Variants in SGCZ observed in about 807,000 individuals in gnomAD.
The protein encoded by SGCZ is zeta-sarcoglycan.
In SGCZ, 40 loss-of-function variants were observed where a neutral mutation model predicts 41.3. That is an observed-to-expected ratio of 0.97 (90% CI 0.75 to 1.26). The LOEUF (loss-of-function observed/expected upper bound fraction) is 1.26. Among genes scored for constraint, SGCZ ranks in the 50% most tolerant of loss-of-function variants. The probability of loss-of-function intolerance (pLI) is 0.00; values close to 1 mark genes in which losing one functional copy is unlikely to be tolerated. For synonymous variants in SGCZ, 206 were observed against 137.5 expected, an observed-to-expected ratio of 1.50 and a Z score of -3.49; for missense variants, 552 against 369.8, an observed-to-expected ratio of 1.49 and a Z score of -4.04.
intron 1 of SGCZ, among the ~76,000 whole-genome samples, chr8:15,138,052 T>C (rs567259628): frequency 6.6e-6 from 1 of 152,272 alleles, no homozygotes; most frequent in East Asian, 1.9e-4. Context: ...CCCAAGGCCA[T>C]GGGAGTTCAC....
Position 14,190,940 on chromosome 8 carries a change from T to C in SGCZ, c.425-26238A>G, listed in dbSNP as rs1805082695. Among the ~76,000 whole-genome samples, 3 of 152,170 alleles carry C rather than the reference T, an allele frequency of 2.0e-5. No individual in the cohort carries two copies. In the South Asian group the frequency reaches 6.2e-4, roughly 31 times the overall value. On this transcript the variant is annotated intron_variant, in intron 4 of 7. Transcript: ENST00000382080. ...ATATCCTTACTTGTTCCACACTGGT[T>C]ACATCAATCTACATTCCCACCAAAA...
At chr8:14,299,219 T>C (rs1801111317) in intron 3 of SGCZ, among the ~76,000 whole-genome samples, 1 of 151,942 alleles carries the variant, frequency 6.6e-6, no homozygotes, top group South Asian at 2.1e-4. Flanking sequence ...CTATAAAGCT[T>C]CTAGGAGAGA....
At chr8:14,520,795 T>C (rs966111982) in intron 2 of SGCZ, among the ~76,000 whole-genome samples, 1 of 152,134 alleles carries the variant, frequency 6.6e-6, no homozygotes, top group Non-Finnish European at 1.5e-5. Flanking sequence ...CTTTGAACAT[T>C]ATCATTTATT....
At chr8:14,250,264 C>CA (rs1205698727) in intron 3 of SGCZ, among the ~76,000 whole-genome samples, 2 of 151,918 alleles carry the variant, frequency 1.3e-5, no homozygotes, top group Non-Finnish European at 2.9e-5. Context: ...GCAATTGTTG[C>CA]AAAAAAATTT....
intron 2 of SGCZ, among the ~76,000 whole-genome samples, chr8:14,449,420 A>G (rs1800527193): frequency 6.6e-6 from 1 of 152,120 alleles, no homozygotes; most frequent in Non-Finnish European, 1.5e-5. Flanking sequence ...TATTTGACTG[A>G]TTTTGGGGTG....
chr8:14,977,589 A>T (rs1445384833), intron 1 of SGCZ, among the ~76,000 whole-genome samples: 1 of 152,132 alleles, frequency 6.6e-6, no homozygotes, highest in Non-Finnish European at 1.5e-5. Context: ...TCCTAGTAAC[A>T]TCATCATTTA....
intron 1 of SGCZ, among the ~76,000 whole-genome samples, chr8:14,597,804 C>A (rs1366477209): frequency 6.6e-6 from 1 of 152,018 alleles, no homozygotes; most frequent in African/African-American, 2.4e-5. Flanking sequence ...TCTTTCTCTC[C>A]CACAAGTTGA....
At chr8:15,193,506 G>T (rs542423136) in intron 1 of SGCZ, among the ~76,000 whole-genome samples, 11 of 152,104 alleles carry the variant, frequency 7.2e-5, no homozygotes, top group African/African-American at 2.7e-4. Context: ...CTTTGGAGAT[G>T]AAAAATATTG....
At chr8:14,489,330 A>C (rs553595822) in intron 2 of SGCZ, among the ~76,000 whole-genome samples, 1 of 152,298 alleles carries the variant, frequency 6.6e-6, no homozygotes, top group Admixed American at 6.5e-5. Context: ...CAAAATTATA[A>C]AATGGACACA....
intron 1 of SGCZ, among the ~76,000 whole-genome samples, chr8:14,701,303 A>T (rs1018451230): frequency 6.6e-6 from 1 of 151,996 alleles, no homozygotes; most frequent in Non-Finnish European, 1.5e-5. Flanking sequence ...AAAAATTTAT[A>T]AAACTTATAA....
chr8:14,176,817 G>C (rs1394105771), intron 4 of SGCZ, among the ~76,000 whole-genome samples: 1 of 152,150 alleles, frequency 6.6e-6, no homozygotes, highest in Non-Finnish European at 1.5e-5. Context: ...AACCATAGTA[G>C]ACAAAGAGCC....
intron 1 of SGCZ, among the ~76,000 whole-genome samples, chr8:14,788,916 G>C (rs140383522): frequency 1.3e-5 from 2 of 152,024 alleles, no homozygotes; most frequent in Non-Finnish European, 2.9e-5. Context: ...TTTGACACCA[G>C]CCTGGGCAAT....
intron 3 of SGCZ, among the ~76,000 whole-genome samples, chr8:14,258,138 G>T (rs1799530052): frequency 6.6e-6 from 1 of 152,048 alleles, no homozygotes; most frequent in South Asian, 2.1e-4. Flanking sequence ...TTATGTTTTG[G>T]AAGTATTATA....
intron 1 of SGCZ, among the ~76,000 whole-genome samples, chr8:14,576,855 T>G (rs755353687): frequency 6.6e-6 from 1 of 152,156 alleles, no homozygotes; most frequent in Non-Finnish European, 1.5e-5. Context: ...TAAGAGAGAA[T>G]TGCAGTCCTC....
chr8:14,248,000 G>C (rs922453765), intron 3 of SGCZ, among the ~76,000 whole-genome samples: 1 of 152,202 alleles, frequency 6.6e-6, no homozygotes, highest in Admixed American at 6.5e-5. Flanking sequence ...AGGTAAAGCA[G>C]TAATTTTCCA....
Position 14,420,296 on chromosome 8 carries a change from T to C in SGCZ, c.235-96092A>G, listed in dbSNP as rs569201776. 1.5e-3 allele frequency among the ~76,000 whole-genome samples: 230 copies of C among 152,154 alleles called. 4 individuals carry two copies. The highest frequency in any genetic ancestry group is 1.8e-3 in the Non-Finnish European group (121 of 67,978). On this transcript the variant is annotated intron_variant, in intron 2 of 7. Transcript: ENST00000382080. ...AAAAATAAATCTTTGCAGCCACATT[T>C]TATATTATAACTTACTCAAAAAAGG...
chr8:14,569,806 G>GT (rs1287196634), intron 1 of SGCZ, among the ~76,000 whole-genome samples: 1 of 152,150 alleles, frequency 6.6e-6, no homozygotes, highest in Non-Finnish European at 1.5e-5. Flanking sequence ...AGCCATTGAG[G>GT]TAAGAACATT....
chr8:14,660,141 G>A (rs180950360), intron 1 of SGCZ, among the ~76,000 whole-genome samples: 27 of 152,234 alleles, frequency 1.8e-4, no homozygotes, highest in Admixed American at 3.3e-4. Flanking sequence ...AACGAAACAT[G>A]CAGTGTATTG....
chr8:14,660,543 C>G lies in SGCZ; in HGVS notation c.40-105617G>C, dbSNP rs1461057099. 3.8e-5 allele frequency among the ~76,000 whole-genome samples: 5 copies of G among 130,444 alleles called. No homozygotes were observed. The South Asian group carries it at 9.8e-4, about 26-fold the overall frequency. 85.6% of individuals were successfully genotyped at this position (130,444 alleles called of 152,430 possible). ...CCAACATTCAGCCACTGCACTCCAG[C>G]CTGGGCAACAGAGCAAAAACTCCAT... On this transcript the variant is annotated intron_variant, in intron 1 of 7. Transcript: ENST00000382080.
Sources: gnomAD v4.1 joint callset for allele counts (sites outside exome capture counted in the v4.1 genomes callset) on GRCh38, gnomAD v4.1.1 for gene constraint, MANE v1.5 for transcripts, NCBI Gene and HGNC (gene_info 2026-07-23, HGNC 2026-07-21) for gene names.